The following OCLN variants were observed in gnomAD, a reference collection of about 807,000 sequenced individuals.
OCLN encodes phosphatase 1, regulatory subunit 115.
OCLN carries 21 observed loss-of-function variants against 47.9 expected under a neutral mutation model. That is an observed-to-expected ratio of 0.44 (90% CI 0.31 to 0.63). The LOEUF (loss-of-function observed/expected upper bound fraction) is 0.63, where lower values mean the gene tolerates loss of function less well. Ranked by LOEUF, OCLN falls within the 30% of genes least tolerant of loss-of-function variation. OCLN has a pLI of 0.08. For missense variants in OCLN, 360 were observed against 571.0 expected (o/e 0.63, Z 3.77); for synonymous variants, 117 against 198.4 (o/e 0.59, Z 3.45).
intron 3 of OCLN, among the ~76,000 whole-genome samples, chr5:69,513,082 A>G (rs1195377984): frequency 6.6e-6 from 1 of 152,142 alleles, no homozygotes; most frequent in Non-Finnish European, 1.5e-5. Flanking sequence ...TGGTACTCCT[A>G]TCCTACCACA....
intron 1 of OCLN, among the ~76,000 whole-genome samples, chr5:69,501,304 T>C (rs1768452628): frequency 6.6e-6 from 1 of 152,232 alleles, no homozygotes; most frequent in African/African-American, 2.4e-5. Context: ...CCTAAATTGC[T>C]CATTTGTATG....
At chr5:69,501,171 C>CTGGG (rs1159277079) in intron 1 of OCLN, among the ~76,000 whole-genome samples, 1 of 152,182 alleles carries the variant, frequency 6.6e-6, no homozygotes, top group Non-Finnish European at 1.5e-5. Context: ...CCTGTCTCCA[C>CTGGG]CTCCCAAGTG....
chr5:69,525,156 G>T (rs1322839430), intron 4 of OCLN, among the ~76,000 whole-genome samples: 2 of 151,554 alleles, frequency 1.3e-5, no homozygotes, highest in Non-Finnish European at 2.9e-5. Flanking sequence ...CCAGGCTGGA[G>T]TGCAGTGGTG....
At chr5:69,526,119 A>G (rs1182169859) in intron 4 of OCLN, among the ~76,000 whole-genome samples, 1 of 152,176 alleles carries the variant, frequency 6.6e-6, no homozygotes, top group African/African-American at 2.4e-5. Flanking sequence ...AGGCAACAGA[A>G]TCACCTGGAG....
rs532632171 is a variant in OCLN at position 69,532,521 on chromosome 5, CT to C, written c.892-2171del. ...CCACACTTTATTTCTATTCCTTTGC[CT>C]TAAAACAACTAAATGATTCATCTAG... is the stretch of plus-strand genomic sequence containing the variant. On this transcript the variant is annotated intron_variant, in intron 4 of 8. Coordinates refer to ENST00000396442, the MANE Select transcript of OCLN (RefSeq NM_001205254.2). Among the ~76,000 whole-genome samples, 778 of 152,210 alleles carry C rather than the reference CT, an allele frequency of 5.1e-3. 2 individuals are homozygous for C. Among genetic ancestry groups the C allele is most frequent in the Non-Finnish European group, 9.0e-3 (611 of 68,026 alleles).
chr5:69,536,752 A>G (rs1769598649), intron 5 of OCLN, among the ~76,000 whole-genome samples: 1 of 151,530 alleles, frequency 6.6e-6, no homozygotes, highest in Non-Finnish European at 1.5e-5. Context: ...GTGGATCACG[A>G]GGTCAGGAAA....
intron 1 of OCLN, among the ~76,000 whole-genome samples, chr5:69,501,419 CAG>C (rs1234610665): frequency 2.0e-5 from 3 of 152,078 alleles, no homozygotes; most frequent in Admixed American, 2.0e-4. Context: ...AGCTTGAGCT[CAG>C]GGGTTTGAGA....
At chr5:69,519,984 C>T (rs1300772185) in intron 4 of OCLN, among the ~76,000 whole-genome samples, 1 of 152,188 alleles carries the variant, frequency 6.6e-6, no homozygotes, top group Non-Finnish European at 1.5e-5. Context: ...GTTTTTGAGA[C>T]AGTCTCGCTC....
At chr5:69,522,841 C>G (rs1769176840) in intron 4 of OCLN, among the ~76,000 whole-genome samples, 1 of 149,618 alleles carries the variant, frequency 6.7e-6, no homozygotes, top group Non-Finnish European at 1.5e-5. Flanking sequence ...GTCCTCCCAC[C>G]TCAGCCTCCC....
intron 4 of OCLN, among the ~76,000 whole-genome samples, chr5:69,527,125 A>C (rs1434429878): frequency 1.3e-5 from 2 of 152,066 alleles, no homozygotes; most frequent in East Asian, 3.9e-4. Context: ...AAAAATATAA[A>C]AATTAGCTGG....
At chr5:69,521,703 AC>A (rs1323632051) in intron 4 of OCLN, among the ~76,000 whole-genome samples, 2 of 152,130 alleles carry the variant, frequency 1.3e-5, no homozygotes, top group African/African-American at 4.8e-5. Flanking sequence ...GATTCTACTA[AC>A]CCTGATGGTA....
intron 1 of OCLN, among the ~76,000 whole-genome samples, chr5:69,497,736 A>T (rs1488201988): frequency 2.0e-5 from 3 of 152,168 alleles, no homozygotes; most frequent in Non-Finnish European, 2.9e-5. Context: ...CACATAGTTT[A>T]GAATGTGATG....
intron 4 of OCLN, among the ~76,000 whole-genome samples, chr5:69,527,939 T>A: frequency 6.6e-6 from 1 of 152,320 alleles, no homozygotes; most frequent in South Asian, 2.1e-4. Flanking sequence ...ATATTATTAC[T>A]GTTTCTTTGG....
At chr5:69,496,062 G>T (rs113980672) in intron 1 of OCLN, among the ~76,000 whole-genome samples, 8 of 151,680 alleles carry the variant, frequency 5.3e-5, no homozygotes, top group Admixed American at 2.6e-4. Context: ...CTAATGATGT[G>T]CCTGTAGTCT....
intron 4 of OCLN, among the ~76,000 whole-genome samples, chr5:69,515,412 C>T (rs1489823444): frequency 7.1e-6 from 1 of 141,152 alleles, no homozygotes; most frequent in Non-Finnish European, 1.5e-5. Flanking sequence ...AGGGGGCTGA[C>T]CCCCCTACCT....
At chr5:69,500,244 C>G (rs1768418624) in intron 1 of OCLN, among the ~76,000 whole-genome samples, 1 of 152,156 alleles carries the variant, frequency 6.6e-6, no homozygotes, top group Admixed American at 6.6e-5. Flanking sequence ...ATCTGCCCAC[C>G]CACACAAGGA....
intron 1 of OCLN, among the ~76,000 whole-genome samples, chr5:69,494,395 A>C (rs960209889): frequency 2.0e-5 from 3 of 152,214 alleles, no homozygotes; most frequent in Admixed American, 1.3e-4. Context: ...CCATTTGGTC[A>C]GGCTGGTCTC....
intron 7 of OCLN, among the ~76,000 whole-genome samples, chr5:69,548,676 A>C (rs1468038559): frequency 1.3e-5 from 2 of 151,142 alleles, no homozygotes; most frequent in South Asian, 2.1e-4. Context: ...TAAAATAGCC[A>C]GGCTGGGCAT....
intron 4 of OCLN, among the ~76,000 whole-genome samples, chr5:69,527,732 C>G (rs1357833587): frequency 6.6e-6 from 1 of 152,078 alleles, no homozygotes; most frequent in East Asian, 1.9e-4. Flanking sequence ...TTCTATCAGT[C>G]TTGATGATCT....
Sources: allele counts gnomAD v4.1 joint callset (sites outside exome capture counted in the v4.1 genomes callset), GRCh38; gene constraint gnomAD v4.1.1; transcripts MANE v1.5; gene names NCBI Gene and HGNC (gene_info 2026-07-23, HGNC 2026-07-21).